The following PLEKHM2 variants were observed in gnomAD, a reference collection of about 807,000 sequenced individuals.
The protein encoded by PLEKHM2 is pleckstrin homology domain-containing family M member 2.
PLEKHM2 carries 77 observed loss-of-function variants against 116.3 expected under a neutral mutation model. That is an observed-to-expected ratio of 0.66 (90% confidence interval 0.55 to 0.80). The LOEUF (loss-of-function observed/expected upper bound fraction) is 0.80. PLEKHM2 is among the 30% of genes least tolerant of loss of function. PLEKHM2 has a pLI of 0.00. For missense variants in PLEKHM2, 1,183 were observed against 1,354.9 expected, an observed-to-expected ratio of 0.87 and a Z score of 1.99; for synonymous variants, 562 against 571.0, an observed-to-expected ratio of 0.98 and a Z score of 0.22.
Position 15,725,466 on chromosome 1 carries a change from G to T in PLEKHM2, c.862G>T (p.Val288Leu). The T allele has an allele frequency of 6.3e-7, 1 of 1,578,282 alleles. No homozygotes were observed. The highest frequency in any genetic ancestry group is 2.4e-5 in the East Asian group (1 of 42,290). Residue 288 changes from valine (V) to leucine (L), a missense_variant, in exon 8 of 20, where the codon GTG (valine) becomes TTG (leucine). Val to Leu is a conservative substitution (Grantham distance 32, BLOSUM62 1). Around this residue, in one of 3 missense-constraint regions of PLEKHM2, gnomAD observed 372 missense variants for 357.2 expected, o/e 1.04. Transcript: ENST00000375799. ...TGTGTCCTCCTCTGACACCACCCCC[G>T]TGCACACCACCTCTCAGGAGAAGGA... ...ETVSSSDTTP[V>L]HTTSQEKEEA...
chr1:15,715,775 C>A (rs60702899), intron 1 of PLEKHM2, among the ~76,000 whole-genome samples: 33,582 of 152,138 alleles, frequency 0.22, 4,213 homozygotes, highest in African/African-American at 0.33. Context: ...TAGGGCAAAA[C>A]AATAACATAA....
Position 15,727,687 on chromosome 1 carries a change from G to A in PLEKHM2, c.1615G>A (p.Val539Met), listed in dbSNP as rs2068084404. ...GCTGTCCCTGGTCAGGGAGGGGCCTGTGTCTGAGCCAGAGCCTGGGACCCA... is the reference window on the plus strand; with the variant it reads ...GCTGTCCCTGGTCAGGGAGGGGCCTATGTCTGAGCCAGAGCCTGGGACCCA... Reference protein sequence around the residue: ...AQLSLVREGPVSEPEPGTQEV... With the variant: ...AQLSLVREGPMSEPEPGTQEV... Residue 539 changes from valine (V) to methionine (M), a missense_variant, in exon 9 of 20, where the codon GTG (valine) becomes ATG (methionine). Physicochemically the swap from Val to Met is conservative, Grantham distance 21 (BLOSUM62 1). Transcript: ENST00000375799. The surrounding 1 kb of genome is among the most constrained non-coding windows in gnomAD (Gnocchi z 7.5). 1.3e-6 allele frequency: 2 copies of A among 1,594,792 alleles called. No homozygotes were observed. The highest frequency in any genetic ancestry group is 1.8e-5 in the Admixed American group (1 of 56,920).
chr1:15,707,120 T>C (rs1571038422), intron 1 of PLEKHM2, among the ~76,000 whole-genome samples: 1 of 149,340 alleles, frequency 6.7e-6, no homozygotes, highest in Non-Finnish European at 1.5e-5. Context: ...AAAAAAAGAG[T>C]GCTTAAAGTG....
intron 1 of PLEKHM2, among the ~76,000 whole-genome samples, chr1:15,713,838 C>T (rs144164928): frequency 0.015 from 2,268 of 151,942 alleles, 125 homozygotes; most frequent in Admixed American, 0.1. Context: ...CGGGGTTTCA[C>T]TATGTTAGCC....
chr1:15,694,947 G>A (rs191679152), intron 1 of PLEKHM2, among the ~76,000 whole-genome samples: 75 of 152,064 alleles, frequency 4.9e-4, no homozygotes, highest in African/African-American at 1.7e-3. Flanking sequence ...TAGTAGAGAC[G>A]GGGTTTCATC....
Position 15,732,098 on chromosome 1 carries a change from G to A in PLEKHM2, c.2625+50G>A, listed in dbSNP as rs1035025500. On this transcript the variant is annotated intron_variant, in intron 17 of 19. Coordinates refer to ENST00000375799, the MANE Select transcript of PLEKHM2 (RefSeq NM_015164.4). ...TCACCTGGCTTGCCTGACCCACCCA[G>A]ACCCCCAGGGTCCCATCCCTAAACC... The A allele has an allele frequency of 5.8e-6, 9 of 1,547,526 alleles. No homozygotes were observed. The African/African-American group carries it at 1.2e-4, about 21-fold the overall frequency.
chr1:15,693,474 C>T (rs1360990528), intron 1 of PLEKHM2, among the ~76,000 whole-genome samples: 4 of 152,224 alleles, frequency 2.6e-5, no homozygotes, highest in African/African-American at 9.6e-5. Flanking sequence ...CTCGCTCTCT[C>T]CATGGTTTGG....
intron 17 of PLEKHM2, 24 bp from the exon 18 acceptor site, chr1:15,732,326 G>T: frequency 6.5e-7 from 1 of 1,540,298 alleles, no homozygotes; most frequent in Non-Finnish European, 8.8e-7. Flanking sequence ...GCCCCAGCCT[G>T]CCTCTCCCCT....
intron 1 of PLEKHM2, among the ~76,000 whole-genome samples, chr1:15,687,536 G>C (rs1640798206): frequency 6.6e-6 from 1 of 152,116 alleles, no homozygotes; most frequent in African/African-American, 2.4e-5. Flanking sequence ...CTTTGTGCAA[G>C]AGCCCATTCC....
intron 1 of PLEKHM2, among the ~76,000 whole-genome samples, chr1:15,688,377 C>T (rs1640814812): frequency 1.3e-5 from 2 of 152,118 alleles, no homozygotes; most frequent in Non-Finnish European, 1.5e-5. Context: ...ATAGGCCAGG[C>T]ATGGTGGCTC....
rs1443349746 is a variant in PLEKHM2, at chr1:15,729,683, G to A, written c.2076-114G>A. ...CGCCCTGGTCACTGGGTCTAGCCAG[G>A]TCTCTCCCCCAAGTTTCTGTGACCC... On this transcript the variant is annotated intron_variant, in intron 13 of 19. Transcript: ENST00000375799. This position sits in a 1 kb window ranked among gnomAD's most constrained non-coding sequence, Gnocchi z 4.7. The A allele has an allele frequency of 1.1e-6, 1 of 913,216 alleles. No individual in the cohort carries two copies. Among genetic ancestry groups the A allele is most frequent in the Non-Finnish European group, 1.7e-6 (1 of 598,632 alleles). The allele number at this position is 913,216 out of a possible 1,614,324, so 56.6% of individuals were successfully genotyped here. A position where few individuals can be genotyped will look rare whatever the true frequency, so the allele number is the denominator to read the frequency against.
chr1:15,714,654 G>A (rs533326093), intron 1 of PLEKHM2, among the ~76,000 whole-genome samples: 2 of 152,320 alleles, frequency 1.3e-5, no homozygotes, highest in South Asian at 2.1e-4. Flanking sequence ...CTCTCCAGGA[G>A]CACATGCTTG....
Position 15,727,680 on chromosome 1 carries a change from G to A in PLEKHM2, c.1608G>A (p.Glu536=), listed in dbSNP as rs1329279298. Residue 536 remains glutamate (E), a synonymous_variant, in exon 9 of 20, where the codon GAG becomes GAA. Coordinates refer to ENST00000375799, the MANE Select transcript of PLEKHM2 (RefSeq NM_015164.4). The surrounding 1 kb of genome is among the most constrained non-coding windows in gnomAD (Gnocchi z 7.5). ...AGGCCCAGCTGTCCCTGGTCAGGGA[G>A]GGGCCTGTGTCTGAGCCAGAGCCTG... The part of the protein sequence containing the change: ...ELEAQLSLVR[E]GPVSEPEPGT... 2 of 1,595,508 alleles carry A rather than the reference G, an allele frequency of 1.3e-6. No homozygotes were observed. The highest frequency in any genetic ancestry group is 1.8e-5 in the Admixed American group (1 of 57,036).
At chr1:15,733,672 G>A (rs1425526926) in intron 19 of PLEKHM2, 125 bp from the exon 20 acceptor site, 1 of 994,186 alleles carries the variant, frequency 1.0e-6, no homozygotes, top group South Asian at 1.6e-5. Context: ...TGTTCCCAGG[G>A]AGAGATGGGG....
chr1:15,716,332 C>T lies in PLEKHM2; in HGVS notation c.156C>T (p.Ala52=), dbSNP rs758400344. 1 of 1,594,278 alleles carries T rather than the reference C, an allele frequency of 6.3e-7. No homozygotes were observed. Among genetic ancestry groups the T allele is most frequent in the South Asian group, 1.1e-5 (1 of 88,414 alleles). ...LQRLCEHLDH[A]LLYGLQDLSS... ...GTCTGTGTGAGCACCTGGACCACGC[C>T]CTGCTGTACGGGTAAGGTGGAGGAA... The change falls in exon 2 of 20, where the codon GCC becomes GCT. Residue 52 remains alanine (A), a synonymous_variant. Coordinates refer to ENST00000375799, the MANE Select transcript of PLEKHM2 (RefSeq NM_015164.4).
At chr1:15,693,605 G>A (rs1310901556) in intron 1 of PLEKHM2, among the ~76,000 whole-genome samples, 1 of 152,212 alleles carries the variant, frequency 6.6e-6, no homozygotes, top group Non-Finnish European at 1.5e-5. Flanking sequence ...TTCAGACGGG[G>A]CTGACTGTCT....
intron 8 of PLEKHM2, 98 bp from the exon 9 acceptor site, chr1:15,726,914 CAG>C (rs2068069929): frequency 1.3e-6 from 1 of 746,338 alleles, no homozygotes; most frequent in Admixed American, 3.2e-5. Flanking sequence ...GCTGTGCCCT[CAG>C]AGGCTACATG....
intron 1 of PLEKHM2, among the ~76,000 whole-genome samples, chr1:15,705,157 T>G (rs1168967797): frequency 1.4e-5 from 2 of 141,428 alleles, no homozygotes; most frequent in African/African-American, 2.6e-5. Context: ...CCTTGATGTC[T>G]CCACGTAGAT....
At chr1:15,715,694 C>G (rs1032737892) in intron 1 of PLEKHM2, among the ~76,000 whole-genome samples, 1 of 152,080 alleles carries the variant, frequency 6.6e-6, no homozygotes, top group African/African-American at 2.4e-5. Context: ...TAATATATGA[C>G]TGGGAAAAAT....
Sources: allele counts gnomAD v4.1 joint callset (sites outside exome capture counted in the v4.1 genomes callset), GRCh38; gene constraint gnomAD v4.1.1; regional missense constraint gnomAD v4.1.1; non-coding constraint Gnocchi (gnomAD v3.1); transcripts MANE v1.5; gene names NCBI Gene and HGNC (gene_info 2026-07-23, HGNC 2026-07-21).